BMP6: variants seen among roughly 807,000 people sequenced by gnomAD.
BMP6 encodes the protein bone morphogenetic protein 6, also known as VG-1-R.
Under a neutral mutation model 54.1 loss-of-function variants are expected in BMP6, and 17 were observed. The ratio of observed to expected loss-of-function variants is 0.31; its 90% confidence interval spans 0.22 to 0.47. The LOEUF (loss-of-function observed/expected upper bound fraction) is 0.47, where lower values mean the gene tolerates loss of function less well. BMP6 is among the 20% of genes least tolerant of loss of function. The probability of loss-of-function intolerance (pLI) is 1.00; values close to 1 mark genes in which losing one functional copy is unlikely to be tolerated. For missense variants in BMP6, 720 were observed against 690.4 expected (o/e 1.04, Z -0.48); for synonymous variants, 328 against 291.2 (o/e 1.13, Z -1.28).
Position 7,739,293 on chromosome 6 carries a change from G to A in BMP6, c.664+11674G>A, listed in dbSNP as rs116877666. Among the ~76,000 whole-genome samples, 31 of 152,142 alleles carry A rather than the reference G, an allele frequency of 2.0e-4. No homozygotes were observed. The East Asian group carries it at 3.5e-3, about 17-fold the overall frequency. On this transcript the variant is annotated intron_variant, in intron 1 of 6. Transcript: ENST00000283147. ...TTTTAAATTTGGGCAATTTGGGTAGGGCACAAATCCAAGAACTCTAGGAAA... is the reference window on the plus strand; with the variant it reads ...TTTTAAATTTGGGCAATTTGGGTAGAGCACAAATCCAAGAACTCTAGGAAA...
chr6:7,737,299 G>A (rs1393319964), intron 1 of BMP6, among the ~76,000 whole-genome samples: 3 of 152,132 alleles, frequency 2.0e-5, no homozygotes, highest in African/African-American at 7.2e-5. Context: ...TCTGTGGGAG[G>A]ATAGGTGTTT....
intron 1 of BMP6, among the ~76,000 whole-genome samples, chr6:7,738,232 T>G (rs945295125): frequency 6.6e-6 from 1 of 152,232 alleles, no homozygotes; most frequent in Non-Finnish European, 1.5e-5. Flanking sequence ...GAGTTTGAAC[T>G]GACTTTTACT....
At chr6:7,806,208 A>ACACATAG (rs1371271296) in intron 1 of BMP6, among the ~76,000 whole-genome samples, 3 of 152,202 alleles carry the variant, frequency 2.0e-5, no homozygotes, top group Non-Finnish European at 4.4e-5. Context: ...CCTCACCCTC[A>ACACATAG]CACATAGCAG....
At chr6:7,764,490 CT>C (rs1014680761) in intron 1 of BMP6, among the ~76,000 whole-genome samples, 2 of 152,104 alleles carry the variant, frequency 1.3e-5, no homozygotes, top group African/African-American at 4.8e-5. Context: ...ACAGCTAAAA[CT>C]TAGGTAATAT....
chr6:7,746,028 G>A (rs72827063), intron 1 of BMP6, among the ~76,000 whole-genome samples: 12,156 of 152,176 alleles, frequency 0.08, 569 homozygotes, highest in African/African-American at 0.13. Context: ...TTAAGTTCAG[G>A]GTACATGACA....
chr6:7,847,222 T>TCTAGTGCCTAGAAGGCACTAGTTGTAG (rs1455723707), intron 2 of BMP6, among the ~76,000 whole-genome samples: 1 of 152,226 alleles, frequency 6.6e-6, no homozygotes, highest in Non-Finnish European at 1.5e-5. Context: ...TGTAGTTTCT[T>TCTAGTGCCTAGAAGGCACTAGTTGTAG]TGCCTTCTAG....
chr6:7,880,702 A>G lies in BMP6; in HGVS notation c.*359A>G, dbSNP rs1459009224. On this transcript the variant is annotated 3_prime_UTR_variant, in exon 7 of 7. Coordinates refer to ENST00000283147, the MANE Select transcript of BMP6 (RefSeq NM_001718.6). ...GGGTGTTTGTTAGTAAATAGGGAAA[A>G]TAATCTCAAAGGAGTTAAATGTATT... is the stretch of plus-strand genomic sequence containing the variant. 4 of 304,410 alleles carry G rather than the reference A, an allele frequency of 1.3e-5. No homozygotes were observed. Among genetic ancestry groups the G allele is most frequent in the African/African-American group, 8.5e-5 (4 of 46,950 alleles). The allele number at this position is 304,410 out of a possible 1,614,324, so 18.9% of individuals were successfully genotyped here. A position where few individuals can be genotyped will look rare whatever the true frequency, so the allele number is the denominator to read the frequency against.
chr6:7,786,263 C>T (rs542472709), intron 1 of BMP6, among the ~76,000 whole-genome samples: 31 of 152,224 alleles, frequency 2.0e-4, no homozygotes, highest in African/African-American at 7.2e-4. Flanking sequence ...CATCTGGGCA[C>T]ACCACACCTC....
intron 3 of BMP6, 127 bp from the exon 4 acceptor site, chr6:7,862,174 A>T: frequency 8.7e-7 from 1 of 1,154,072 alleles, no homozygotes; most frequent in South Asian, 1.4e-5. Flanking sequence ...GGGATACATG[A>T]TCTTCTTCTT....
At chr6:7,765,219 G>A (rs1226104) in intron 1 of BMP6, among the ~76,000 whole-genome samples, 121,771 of 152,114 alleles carry the variant, frequency 0.8, 49,043 homozygotes, top group African/African-American at 0.84. Flanking sequence ...CAGGGATGCT[G>A]ATGAGCCCAG....
chr6:7,740,427 G>A (rs270411), intron 1 of BMP6, among the ~76,000 whole-genome samples: 82,399 of 151,880 alleles, frequency 0.54, 23,517 homozygotes, highest in East Asian at 0.78. Context: ...TTCATTACAA[G>A]TGCATTCGTA....
At chr6:7,745,236 G>A (rs1757329082) in intron 1 of BMP6, among the ~76,000 whole-genome samples, 1 of 152,222 alleles carries the variant, frequency 6.6e-6, no homozygotes, top group Non-Finnish European at 1.5e-5. Flanking sequence ...TCTGGGAGAT[G>A]CAGTGACAGT....
intron 1 of BMP6, among the ~76,000 whole-genome samples, chr6:7,819,052 A>C (rs1448562310): frequency 2.0e-5 from 3 of 152,034 alleles, no homozygotes; most frequent in Non-Finnish European, 4.4e-5. Flanking sequence ...GCTGGAGCAG[A>C]AAGGGGGAAA....
chr6:7,880,217 T>C lies in BMP6; in HGVS notation c.1416T>C (p.Tyr472=). The C allele has an allele frequency of 2.5e-6, 4 of 1,614,200 alleles. No homozygotes were observed. The highest frequency in any genetic ancestry group is 3.4e-6 in the Non-Finnish European group (4 of 1,180,040). ...AGGTTCACCTTATGAACCCCGAGTA[T>C]GTCCCCAAACCGTGCTGTGCGCCAA... ...QTLVHLMNPE[Y]VPKPCCAPTK... The change falls in exon 7 of 7, where the codon TAT becomes TAC. Residue 472 remains tyrosine, a synonymous_variant. Transcript: ENST00000283147.
chr6:7,805,813 A>G (rs965075877), intron 1 of BMP6, among the ~76,000 whole-genome samples: 1 of 152,246 alleles, frequency 6.6e-6, no homozygotes, highest in African/African-American at 2.4e-5. Context: ...TAGCACAGAA[A>G]TCAAAAGACC....
At chr6:7,785,136 C>G (rs1304556176) in intron 1 of BMP6, among the ~76,000 whole-genome samples, 1 of 152,174 alleles carries the variant, frequency 6.6e-6, no homozygotes, top group Admixed American at 6.6e-5. Flanking sequence ...CACCAGATAG[C>G]TTTTATGGTG....
At chr6:7,768,542 T>G (rs1488171493) in intron 1 of BMP6, among the ~76,000 whole-genome samples, 1 of 152,208 alleles carries the variant, frequency 6.6e-6, no homozygotes, top group Non-Finnish European at 1.5e-5. Flanking sequence ...TGCCACCTGC[T>G]TCTGAGCATG....
At chr6:7,737,238 C>T (rs1761969067) in intron 1 of BMP6, among the ~76,000 whole-genome samples, 2 of 151,572 alleles carry the variant, frequency 1.3e-5, no homozygotes, top group South Asian at 4.2e-4. Context: ...TTGAGAAATT[C>T]AGCCTTGTCT....
intron 1 of BMP6, among the ~76,000 whole-genome samples, chr6:7,767,755 C>T (rs1305690270): frequency 6.6e-6 from 1 of 152,196 alleles, no homozygotes; most frequent in Admixed American, 6.5e-5. Flanking sequence ...TCTGAGTCTG[C>T]TTTTGGTGCT....
Sources: gnomAD v4.1 joint callset for allele counts (sites outside exome capture counted in the v4.1 genomes callset) on GRCh38, gnomAD v4.1.1 for gene constraint, MANE v1.5 for transcripts, NCBI Gene and HGNC (gene_info 2026-07-23, HGNC 2026-07-21) for gene names.